Variants in TTN observed in about 807,000 individuals in gnomAD.
The protein encoded by TTN is titin.
A neutral mutation model predicts 3,223.0 loss-of-function variants in TTN; 1,525 were observed. The observed-to-expected ratio is 0.47, with a 90% confidence interval of 0.45 to 0.49. The LOEUF is 0.49. Ranked by LOEUF, TTN falls within the 20% of genes least tolerant of loss-of-function variation. The pLI, the probability that TTN is intolerant of heterozygous loss-of-function variation, is 0.00. For synonymous variants in TTN, 14,094 were observed against 15,161.0 expected, an observed-to-expected ratio of 0.93 and a Z score of 5.17; for missense variants, 40,786 against 43,424.0, an observed-to-expected ratio of 0.94 and a Z score of 5.40.
At position 178,636,052 on chromosome 2, in the gene TTN, T is replaced by C. The variant is rs760261561; in HGVS notation, c.41519A>G (p.Asn13840Ser). ...TCCAGCATCTGTGTCATCTGCATCG[T>C]TGATGGTCAGAGCCCGCATCAAGCC... ...VIGLMRALTI[N>S]DADDTDAGTY... Residue 13840 changes from asparagine to serine, a missense_variant, in exon 226 of 363, where the codon AAC (asparagine) becomes AGC (serine). By Grantham distance (46) the Asn-to-Ser change is conservative. Coordinates refer to ENST00000589042, the MANE Select transcript of TTN (RefSeq NM_001267550.2). The surrounding 1 kb of genome is among the most constrained non-coding windows in gnomAD (Gnocchi z 4.3). 6.2e-6 allele frequency: 10 copies of C among 1,613,334 alleles called. No homozygotes were observed. The highest frequency in any genetic ancestry group is 8.5e-6 in the Non-Finnish European group (10 of 1,179,526).
chr2:178,577,987 C>A lies in TTN; in HGVS notation c.68527+1G>T. 3 of 1,610,746 alleles carry A rather than the reference C, an allele frequency of 1.9e-6. No individual in the cohort carries two copies. The highest frequency in any genetic ancestry group is 4.5e-5 in the East Asian group (2 of 44,678). On this transcript the variant is annotated splice_donor_variant, in intron 322 of 362. Coordinates refer to ENST00000589042, the MANE Select transcript of TTN (RefSeq NM_001267550.2). LOFTEE classifies it high-confidence loss of function. ...GGGTTTTTCTTCATATAATGACTTA[C>A]CAATTGGGTCCAGTGCCACAACAGG... is the stretch of plus-strand genomic sequence containing the variant.
At chr2:178,529,371 T>C in intron 359 of TTN, 152 bp from the exon 360 acceptor site, 3 of 529,014 alleles carry the variant, frequency 5.7e-6, no homozygotes, top group Non-Finnish European at 9.3e-6. Flanking sequence ...AGTTCCACTT[T>C]TGGAAAATTA....
chr2:178,804,471 G>A lies in TTN; in HGVS notation c.91+81C>T, dbSNP rs946894212. 5 of 1,379,628 alleles carry A rather than the reference G, an allele frequency of 3.6e-6. No individual in the cohort carries two copies. In the African/African-American group the frequency reaches 7.1e-5, roughly 20 times the overall value. The allele number at this position is 1,379,628 out of a possible 1,614,324, so 85.5% of individuals were successfully genotyped here. On this transcript the variant is annotated intron_variant, in intron 2 of 362. Coordinates refer to ENST00000589042, the MANE Select transcript of TTN (RefSeq NM_001267550.2). Reference sequence around the variant, plus strand: ...GAAGTGAAAGCAGGGCTTAAACTTGGCGTCAAGTCCTGCAGCAACGTTAAC... The same window carrying A: ...GAAGTGAAAGCAGGGCTTAAACTTGACGTCAAGTCCTGCAGCAACGTTAAC...
Position 178,727,679 on chromosome 2 carries a change from G to C in TTN, c.19899C>G (p.Leu6633=). 1 of 1,613,206 alleles carries C rather than the reference G, an allele frequency of 6.2e-7. No homozygotes were observed. Among genetic ancestry groups the C allele is most frequent in the Non-Finnish European group, 8.5e-7 (1 of 1,179,390 alleles). Residue 6633 remains leucine, a synonymous_variant, in exon 68 of 363, where the codon CTC becomes CTG. Coordinates refer to ENST00000589042, the MANE Select transcript of TTN (RefSeq NM_001267550.2). ...GLEGSTSFLN[L]YSVDASKTGQ... ...CAGTCTTAGAAGCATCCACTGAGTAGAGATTTAAGAAGCTAGTCGACCCTT... is the reference window on the plus strand; with the variant it reads ...CAGTCTTAGAAGCATCCACTGAGTACAGATTTAAGAAGCTAGTCGACCCTT...
rs730880371 is a variant in TTN at position 178,616,633 on chromosome 2, G to GA, written c.48161-4dup. ...TTCTTTGGGTGCACTTGGGCGAGCT[G>GA]AAAAAAAATGCACTCACGAGTCACT... On this transcript the variant is annotated splice_polypyrimidine_tract_variant and splice_region_variant and intron_variant, in intron 256 of 362. Transcript: ENST00000589042. 1.2e-5 allele frequency: 20 copies of GA among 1,609,894 alleles called. No individual in the cohort carries two copies. Among genetic ancestry groups the GA allele is most frequent in the South Asian group, 9.9e-5 (9 of 90,564 alleles).
At chr2:178,751,863 T>G in intron 47 of TTN, 1 of 1,608,760 alleles carries the variant, frequency 6.2e-7, no homozygotes, top group Non-Finnish European at 8.5e-7. Flanking sequence ...AAAACATATT[T>G]AAATGTAAGT....
In TTN at chr2:178,782,600, A is replaced by C. The variant is rs762133521; in HGVS notation, c.3103T>G (p.Ser1035Ala). 38 of 1,613,810 alleles carry C rather than the reference A, an allele frequency of 2.4e-5. 1 individual carries two copies. Among genetic ancestry groups the C allele is most frequent in the African/African-American group, 1.3e-5 (1 of 74,920 alleles). ...STSCYLAVQV[S>A]EEFEKETTAV... ...GTGGTTTCCTTTTCAAATTCTTCTG[A>C]CACTAAAAGAAGACAAAAGTTTCTC... Residue 1035 changes from serine to alanine, a missense_variant and splice_region_variant, in exon 19 of 363, where the codon TCA becomes GCA. Transcript: ENST00000589042.
rs557077441 is a variant in TTN, at chr2:178,632,730, T to C, written c.43276A>G (p.Lys14426Glu). The C allele has an allele frequency of 5.6e-6, 9 of 1,613,320 alleles. No individual in the cohort carries two copies. The South Asian group carries it at 7.7e-5, about 14-fold the overall frequency. The change falls in exon 235 of 363, where the codon AAG becomes GAG. Residue 14426 changes from lysine (K) to glutamate (E), a missense_variant. Physicochemically the swap from Lys to Glu is moderately conservative, Grantham distance 56. Coordinates refer to ENST00000589042, the MANE Select transcript of TTN (RefSeq NM_001267550.2). ...TCCCTGGATACTTCACACTCAAACT[T>C]AGCCTCATCTTTCTCGAAGACTTTA... ...DVKVFEKDEA[K>E]FECEVSREPK...
At position 178,688,189 on chromosome 2, in the gene TTN, C is replaced by T. The variant is rs2071385521; in HGVS notation, c.32233G>A (p.Glu10745Lys). 1 of 1,612,942 alleles carries T rather than the reference C, an allele frequency of 6.2e-7. No homozygotes were observed. The highest frequency in any genetic ancestry group is 1.7e-5 in the Admixed American group (1 of 60,026). The change falls in exon 127 of 363, where the codon GAG (glutamate) becomes AAG (lysine). Residue 10745 changes from glutamate to lysine, a missense_variant. Glu to Lys is a moderately conservative substitution (Grantham distance 56). Coordinates refer to ENST00000589042, the MANE Select transcript of TTN (RefSeq NM_001267550.2). ...AEEEWSYSEEEEGVSISVYRE... is the reference protein window; with the variant it reads ...AEEEWSYSEEKEGVSISVYRE... ...TAAACTGAAATGGACACACCTTCCT[C>T]CTCTTCTGAGTAACTCCATTCCTCC...
chr2:178,589,068 T>C lies in TTN; in HGVS notation c.62657A>G (p.Asp20886Gly). Residue 20886 changes from aspartate to glycine, a missense_variant, in exon 304 of 363, where the codon GAT (aspartate) becomes GGT (glycine). By Grantham distance (94) the Asp-to-Gly change is moderately conservative. Coordinates refer to ENST00000589042, the MANE Select transcript of TTN (RefSeq NM_001267550.2). ...VSSDRCTVCW[D>G]PPEDDGGCEI... ...ACAGCCACCATCATCTTCTGGTGGA[T>C]CCCAGCAAACAGTACACCTATCACT... 6.2e-7 allele frequency: 1 copy of C among 1,609,448 alleles called. No individual in the cohort carries two copies. The highest frequency in any genetic ancestry group is 8.5e-7 in the Non-Finnish European group (1 of 1,179,580).
chr2:178,712,711 T>C lies in TTN; in HGVS notation c.27314A>G (p.His9105Arg). 6.2e-7 allele frequency: 1 copy of C among 1,613,408 alleles called. No individual in the cohort carries two copies. The highest frequency in any genetic ancestry group is 8.5e-7 in the Non-Finnish European group (1 of 1,179,450). ...NEAGKASCTTHLYIKAPAKFV... is the reference protein window; with the variant it reads ...NEAGKASCTTRLYIKAPAKFV... ...GTCTGACAAACCTTTTATGTAGAGATGTGTTGTACAAGAAGCCTTGCCAGC... is the reference window on the plus strand; with the variant it reads ...GTCTGACAAACCTTTTATGTAGAGACGTGTTGTACAAGAAGCCTTGCCAGC... Residue 9105 changes from histidine (H) to arginine (R), a missense_variant, in exon 94 of 363, where the codon CAT becomes CGT. Physicochemically the swap from His to Arg is conservative, Grantham distance 29 (BLOSUM62 0). Transcript: ENST00000589042.
In TTN at chr2:178,532,122, T is replaced by A; in HGVS notation, c.104493A>T (p.Ser34831=). Residue 34831 remains serine (S), a synonymous_variant, in exon 358 of 363, where the codon TCA becomes TCT. Coordinates refer to ENST00000589042, the MANE Select transcript of TTN (RefSeq NM_001267550.2). ...ISKHAQRESS[S]SASRLLRRRR... ...GTCGTCTCAGTAGTCTAGACGCAGA[T>A]GAGGATGATTCTCTTTGAGCATGTT... 6.2e-7 allele frequency: 1 copy of A among 1,614,008 alleles called. No individual in the cohort carries two copies. The highest frequency in any genetic ancestry group is 8.5e-7 in the Non-Finnish European group (1 of 1,179,894).
Position 178,620,325 on chromosome 2 carries a change from T to C in TTN, c.46196A>G (p.Asp15399Gly). The change falls in exon 248 of 363, where the codon GAT (aspartate) becomes GGT (glycine). Residue 15399 changes from aspartate (D) to glycine (G), a missense_variant. Transcript: ENST00000589042. ...APTEFVEHLE[D>G]QTVTEFDDAV... ...GTCATCGAACTCAGTGACTGTCTGATCTTCCAAGTGTTCCACAAATTCTGT... is the reference window on the plus strand; with the variant it reads ...GTCATCGAACTCAGTGACTGTCTGACCTTCCAAGTGTTCCACAAATTCTGT... 1 of 1,591,666 alleles carries C rather than the reference T, an allele frequency of 6.3e-7. No individual in the cohort carries two copies. The highest frequency in any genetic ancestry group is 8.6e-7 in the Non-Finnish European group (1 of 1,167,678).
rs376597438 is a variant in TTN, at chr2:178,570,719, T to C, written c.75413A>G (p.Lys25138Arg). 2.5e-5 allele frequency: 41 copies of C among 1,613,572 alleles called. No homozygotes were observed. The highest frequency in any genetic ancestry group is 3.3e-5 in the Non-Finnish European group (39 of 1,179,616). ...SFKVDADIYG[K>R]PIPTIQWIKG... ...TATCCACTGAATGGTTGGTATTGGT[T>C]TGCCATAAATATCTGCATCAACCTT... Residue 25138 changes from lysine (K) to arginine (R), a missense_variant, in exon 326 of 363, where the codon AAA (lysine) becomes AGA (arginine). Physicochemically the swap from Lys to Arg is conservative, Grantham distance 26 (BLOSUM62 2). Transcript: ENST00000589042.
Position 178,767,856 on chromosome 2 carries a change from C to G in TTN, c.9374G>C (p.Gly3125Ala). 1 of 1,614,124 alleles carries G rather than the reference C, an allele frequency of 6.2e-7. No homozygotes were observed. Among genetic ancestry groups the G allele is most frequent in the Non-Finnish European group, 8.5e-7 (1 of 1,180,010 alleles). The stretch of plus-strand genomic sequence containing the variant: ...GCCTCCTGCCACCACTGTGTACTTC[C>G]CAGCATCAGACATCCGGGTGGATGG... The part of the protein sequence containing the change: ...LIPSTRMSDA[G>A]KYTVVAGGNV... Residue 3125 changes from glycine (G) to alanine (A), a missense_variant, in exon 40 of 363, where the codon GGG (glycine) becomes GCG (alanine). Transcript: ENST00000589042.
Position 178,576,807 on chromosome 2 carries a change from G to C in TTN, c.69437C>G (p.Pro23146Arg). 6.2e-7 allele frequency: 1 copy of C among 1,612,706 alleles called. No individual in the cohort carries two copies. Among genetic ancestry groups the C allele is most frequent in the Non-Finnish European group, 8.5e-7 (1 of 1,179,490 alleles). The change falls in exon 325 of 363, where the codon CCA (proline) becomes CGA (arginine). Residue 23146 changes from proline (P) to arginine (R), a missense_variant. Transcript: ENST00000589042. The surrounding 1 kb of genome is among the most constrained non-coding windows in gnomAD (Gnocchi z 4.3). ...RFGPPGPPEK[P>R]EVSNVTKNTA... ...GTTCTTAGTGACATTTGATACCTCT[G>C]GTTTTTCAGGAGGGCCAGGGGGACC...
chr2:178,621,331 A>C lies in TTN; in HGVS notation c.45387T>G (p.Leu15129=). 6.2e-7 allele frequency: 1 copy of C among 1,611,846 alleles called. No individual in the cohort carries two copies. The highest frequency in any genetic ancestry group is 8.5e-7 in the Non-Finnish European group (1 of 1,178,980). The change falls in exon 246 of 363, where the codon CTT becomes CTG. Residue 15129 remains leucine (L), a synonymous_variant. Transcript: ENST00000589042. The part of the protein sequence containing the change: ...AAEFISKPQN[L]EILEGEKAEF... ...CAGCCTTTTCTCCTTCAAGTATTTC[A>C]AGGTTTTGAGGCTTTGAGATAAATT...
intron 68 of TTN, 22 bp from the exon 69 acceptor site, chr2:178,727,393 G>A (rs1213879816): frequency 1.3e-6 from 2 of 1,542,844 alleles, no homozygotes; most frequent in Non-Finnish European, 1.7e-6. Flanking sequence ...GGAAAGAGGA[G>A]AGTATCAGGG....
intron 152 of TTN, 52 bp downstream of exon 152, chr2:178,673,581 G>T: frequency 7.0e-7 from 1 of 1,435,278 alleles, no homozygotes; most frequent in Non-Finnish European, 9.4e-7. Context: ...TTGCTTTTAA[G>T]AAAGAAAATT....
Sources: gnomAD v4.1 joint callset for allele counts on GRCh38, gnomAD v4.1.1 for gene constraint, Gnocchi (gnomAD v3.1) non-coding constraint, MANE v1.5 for transcripts, NCBI Gene and HGNC (gene_info 2026-07-23, HGNC 2026-07-21) for gene names.